The following USP4 variants were observed in gnomAD, a reference collection of about 807,000 sequenced individuals.
USP4 encodes ubiquitin specific peptidase 4, also known as ubiquitin carboxyl-terminal hydrolase 4.
Under a neutral mutation model 118.2 loss-of-function variants are expected in USP4, and 72 were observed. The ratio of observed to expected loss-of-function variants is 0.61; its 90% confidence interval spans 0.50 to 0.74. USP4 has a LOEUF of 0.74. USP4 is among the 30% of genes least tolerant of loss of function. The pLI is 0.00. For synonymous variants in USP4, 415 were observed against 440.4 expected, an observed-to-expected ratio of 0.94 and a Z score of 0.72; for missense variants, 1,037 against 1,185.7, an observed-to-expected ratio of 0.87 and a Z score of 1.84.
In USP4 at chr3:49,291,271, C is replaced by T. The variant is rs562049486; in HGVS notation, c.1972+1239G>A. 3.1e-3 allele frequency among the ~76,000 whole-genome samples: 465 copies of T among 148,630 alleles called. 3 individuals are homozygous for T. The highest frequency in any genetic ancestry group is 6.9e-3 in the Middle Eastern group (2 of 290). Reference sequence around the variant, plus strand: ...GAGTCACCGCACCCAGCCTCAAGACCCTACTCTTAAAAAAAAAAAAAAAAG... The same window carrying T: ...GAGTCACCGCACCCAGCCTCAAGACTCTACTCTTAAAAAAAAAAAAAAAAG... On this transcript the variant is annotated intron_variant, in intron 15 of 21. Transcript: ENST00000265560.
In USP4 at chr3:49,278,851, T is replaced by C; in HGVS notation, c.2696A>G (p.Asp899Gly). 6.2e-7 allele frequency: 1 copy of C among 1,613,274 alleles called. No homozygotes were observed. The highest frequency in any genetic ancestry group is 8.5e-7 in the Non-Finnish European group (1 of 1,179,690). ...KLNGKWYYFD[D>G]SNVSLASEDQ... is the part of the protein sequence containing the mutation. The stretch of plus-strand genomic sequence containing the variant: ...CTCAGAGGCCAGGGACACGTTGCTA[T>C]CATCAAAGTAATACCATTTACCATT... Residue 899 changes from aspartate to glycine, a missense_variant, in exon 21 of 22, where the codon GAT becomes GGT. This residue lies in a region of USP4 where 522 missense variants were observed against 592.6 expected (regional missense o/e 0.88). Transcript: ENST00000265560.
At chr3:49,334,323 T>C (rs2047648029) in intron 2 of USP4, among the ~76,000 whole-genome samples, 1 of 152,194 alleles carries the variant, frequency 6.6e-6, no homozygotes, top group Admixed American at 6.5e-5. Context: ...GTGAACATAA[T>C]GAAATGATTC....
intron 4 of USP4, among the ~76,000 whole-genome samples, chr3:49,325,459 A>G (rs1865741): frequency 0.57 from 86,031 of 151,576 alleles, 25,475 homozygotes; most frequent in East Asian, 0.95. Context: ...TTTTTAAATA[A>G]GTTATTTTTA....
rs761360258 is a variant in USP4 at position 49,317,037 on chromosome 3, G to A, written c.696-5383C>T. ...ACGCTCTGTGGACAGACTTGCTGGG[G>A]CTGAGTTGAGGGGCGCACAGAGGCA... On this transcript the variant is annotated intron_variant, in intron 6 of 21. Transcript: ENST00000265560. 61 of 919,526 alleles carry A rather than the reference G, an allele frequency of 6.6e-5. No individual in the cohort carries two copies. The East Asian group carries it at 8.3e-4, about 13-fold the overall frequency. 57.0% of individuals were successfully genotyped at this position (919,526 alleles called of 1,614,324 possible). A position where few individuals can be genotyped will look rare whatever the true frequency, so the allele number is the denominator to read the frequency against.
intron 6 of USP4, chr3:49,312,928 C>G (rs2047401728): frequency 7.4e-6 from 1 of 134,354 alleles, no homozygotes; most frequent in Non-Finnish European, 1.6e-5. Flanking sequence ...GTCTCATTCT[C>G]TCGCCAGGCT....
chr3:49,293,915 G>A (rs911788372), intron 14 of USP4, among the ~76,000 whole-genome samples: 6 of 151,608 alleles, frequency 4.0e-5, no homozygotes, highest in Admixed American at 2.6e-4. Context: ...TACCTAAGAT[G>A]TGCCAGGTGG....
chr3:49,330,931 T>A (rs1419440915), intron 2 of USP4, among the ~76,000 whole-genome samples: 2 of 150,274 alleles, frequency 1.3e-5, no homozygotes, highest in Admixed American at 1.3e-4. Context: ...GGCAGGAGAA[T>A]CGTGTGAACC....
intron 14 of USP4, 49 bp from the exon 15 acceptor site, chr3:49,292,647 T>A: frequency 7.6e-7 from 1 of 1,311,632 alleles, no homozygotes; most frequent in Non-Finnish European, 1.0e-6. Context: ...AGTTGTAACA[T>A]TTATCTATTT....
chr3:49,317,207 C>A (rs2107792689), intron 6 of USP4: 1 of 1,503,424 alleles, frequency 6.7e-7, no homozygotes, highest in East Asian at 2.3e-5. Flanking sequence ...TAGGTGGCCT[C>A]CGTCTCCGCG....
intron 6 of USP4, among the ~76,000 whole-genome samples, chr3:49,324,205 A>G (rs1304058348): frequency 6.6e-6 from 1 of 151,886 alleles, no homozygotes; most frequent in Non-Finnish European, 1.5e-5. Flanking sequence ...TACCATGTTG[A>G]CCAGGCTGGG....
At chr3:49,280,927 T>TA in intron 19 of USP4, 80 bp from the exon 20 acceptor site, 1 of 1,154,104 alleles carries the variant, frequency 8.7e-7, no homozygotes, top group South Asian at 1.3e-5. Context: ...CAACCTCTGT[T>TA]ATGCAACAGG....
At chr3:49,338,645 A>G (rs1056703459) in intron 1 of USP4, among the ~76,000 whole-genome samples, 7 of 149,840 alleles carry the variant, frequency 4.7e-5, no homozygotes, top group African/African-American at 1.5e-4. Context: ...ATGGGCAACA[A>G]GAGCGAAATT....
At chr3:49,325,269 A>G (rs756470464) in intron 4 of USP4, among the ~76,000 whole-genome samples, 17 of 152,084 alleles carry the variant, frequency 1.1e-4, no homozygotes, top group Non-Finnish European at 2.1e-4. Context: ...TTTATGGCGC[A>G]AAAGCAACAT....
chr3:49,281,080 G>T (rs1167212333), intron 19 of USP4, among the ~76,000 whole-genome samples: 3 of 152,268 alleles, frequency 2.0e-5, no homozygotes, highest in Middle Eastern at 3.4e-3. Flanking sequence ...CAGCACTTTG[G>T]GGGGCCAAGG....
chr3:49,300,433 G>C, intron 11 of USP4, 34 bp downstream of exon 11: 1 of 1,596,756 alleles, frequency 6.3e-7, no homozygotes, highest in Non-Finnish European at 8.6e-7. Context: ...ACCACTTGCA[G>C]TGAGGGGTGC....
At chr3:49,327,651 A>G in intron 3 of USP4, 35 bp downstream of exon 3, 2 of 1,612,108 alleles carry the variant, frequency 1.2e-6, no homozygotes, top group Non-Finnish European at 1.7e-6. Flanking sequence ...ACCTGCAGAC[A>G]GTGACCAGCA....
At chr3:49,290,168 A>G (rs2047137773) in intron 15 of USP4, among the ~76,000 whole-genome samples, 1 of 152,184 alleles carries the variant, frequency 6.6e-6, no homozygotes, top group African/African-American at 2.4e-5. Flanking sequence ...TAACCCCAGC[A>G]CTTTGGAAGG....
At chr3:49,286,448 C>A in intron 15 of USP4, 123 bp from the exon 16 acceptor site, 1 of 978,524 alleles carries the variant, frequency 1.0e-6, no homozygotes. Context: ...GAAGTTAAAT[C>A]TATTCCTTTG....
In USP4 at chr3:49,278,415, C is replaced by G. The variant is rs1457465232; in HGVS notation, c.2770G>C (p.Asp924His). Residue 924 changes from aspartate (D) to histidine (H), a missense_variant, in exon 22 of 22, where the codon GAT (aspartate) becomes CAT (histidine). Physicochemically the swap from Asp to His is moderately conservative, Grantham distance 81. This residue lies in a region of USP4 where 522 missense variants were observed against 592.6 expected (regional missense o/e 0.88). Transcript: ENST00000265560. Reference protein sequence around the residue: ...AAYVLFYQRRDDEFYKTPSLS... With the variant: ...AAYVLFYQRRHDEFYKTPSLS... ...GAAGGTGTCTTATAAAATTCATCAT[C>G]TCGACGTTGGTAAAATAGCACATAA... 1.2e-6 allele frequency: 2 copies of G among 1,614,012 alleles called. No individual in the cohort carries two copies. Among genetic ancestry groups the G allele is most frequent in the Non-Finnish European group, 1.7e-6 (2 of 1,180,034 alleles).
Sources: allele counts gnomAD v4.1 joint callset (sites outside exome capture counted in the v4.1 genomes callset), GRCh38; gene constraint gnomAD v4.1.1; regional missense constraint gnomAD v4.1.1; transcripts MANE v1.5; gene names NCBI Gene and HGNC (gene_info 2026-07-23, HGNC 2026-07-21).